The following PCNX1 variants were observed in gnomAD, a reference collection of about 807,000 sequenced individuals.
The protein encoded by PCNX1 is pecanex-like protein 1.
In PCNX1, 78 loss-of-function variants were observed where a neutral mutation model predicts 242.2. The ratio of observed to expected loss-of-function variants is 0.32; its 90% CI spans 0.27 to 0.39. The LOEUF is 0.39. Ranked by LOEUF, PCNX1 falls within the 10% of genes least tolerant of loss-of-function variation. PCNX1 has a pLI of 1.00. For missense variants in PCNX1, 2,581 were observed against 2,856.5 expected (o/e 0.90, Z 2.20); for synonymous variants, 1,024 against 1,032.9 (o/e 0.99, Z 0.17).
chr14:71,013,168 T>G lies in PCNX1; in HGVS notation c.2962T>G (p.Phe988Val). 6.2e-7 allele frequency: 1 copy of G among 1,614,086 alleles called. No individual in the cohort carries two copies. The highest frequency in any genetic ancestry group is 8.5e-7 in the Non-Finnish European group (1 of 1,179,930). ...ACCCCAGCTGTGGATTGGCATTAAC[T>G]TTGACAGACTCACACTTTTGGCCCT... is the stretch of plus-strand genomic sequence containing the variant. ...ILPQLWIGINFDRLTLLALFD... is the reference protein window; with the variant it reads ...ILPQLWIGINVDRLTLLALFD... Residue 988 changes from phenylalanine (F) to valine (V), a missense_variant, in exon 11 of 36, where the codon TTT (phenylalanine) becomes GTT (valine). This residue lies in a region of PCNX1 where 1,204 missense variants were observed against 1,216.7 expected (regional missense o/e 0.99). Coordinates refer to ENST00000304743, the MANE Select transcript of PCNX1 (RefSeq NM_014982.3).
chr14:71,014,078 C>A (rs1466339522), intron 11 of PCNX1, among the ~76,000 whole-genome samples: 2 of 152,152 alleles, frequency 1.3e-5, no homozygotes, highest in African/African-American at 4.8e-5. Flanking sequence ...CAGTTCCTGG[C>A]AATCACACAG....
chr14:71,053,611 C>A (rs1222190058), intron 24 of PCNX1, among the ~76,000 whole-genome samples: 1 of 152,084 alleles, frequency 6.6e-6, no homozygotes, highest in African/African-American at 2.4e-5. Flanking sequence ...AGCCACTGTG[C>A]CCGGCCTTAT....
At chr14:71,056,193 C>T (rs1035411565) in intron 25 of PCNX1, among the ~76,000 whole-genome samples, 1 of 152,148 alleles carries the variant, frequency 6.6e-6, no homozygotes, top group Non-Finnish European at 1.5e-5. Flanking sequence ...AAATATTACT[C>T]CCAAATACAC....
At chr14:71,101,285 A>G (rs2062454905) in intron 30 of PCNX1, among the ~76,000 whole-genome samples, 1 of 152,212 alleles carries the variant, frequency 6.6e-6, no homozygotes, top group Admixed American at 6.5e-5. Flanking sequence ...TTATTTCAGT[A>G]TATGTCCTGT....
chr14:70,933,307 G>T (rs1452331590), intron 1 of PCNX1, among the ~76,000 whole-genome samples: 3 of 152,180 alleles, frequency 2.0e-5, no homozygotes, highest in Non-Finnish European at 4.4e-5. Flanking sequence ...ATGACCTTTT[G>T]TTTGGGTTAT....
intron 22 of PCNX1, among the ~76,000 whole-genome samples, chr14:71,049,337 G>T (rs8022928): frequency 0.07 from 10,618 of 152,164 alleles, 485 homozygotes; most frequent in East Asian, 0.27. Context: ...TTGGTCAGTA[G>T]ATAGAATTTA....
At chr14:70,949,088 GTATA>G (rs549855706) in intron 2 of PCNX1, among the ~76,000 whole-genome samples, 161 of 145,360 alleles carry the variant, frequency 1.1e-3, no homozygotes, top group Non-Finnish European at 1.7e-3. Context: ...ATATACATGT[GTATA>G]TATACATACA....
At chr14:71,004,863 C>G (rs1175318191) in intron 8 of PCNX1, among the ~76,000 whole-genome samples, 1 of 152,182 alleles carries the variant, frequency 6.6e-6, no homozygotes, top group Non-Finnish European at 1.5e-5. Context: ...TTGAGTACTT[C>G]AGTCATATAG....
At chr14:71,078,844 A>G (rs557295818) in intron 28 of PCNX1, 2 of 151,990 alleles carry the variant, frequency 1.3e-5, no homozygotes, top group South Asian at 4.1e-4. Flanking sequence ...TAGTTTTCTC[A>G]TGTTTCTTTT....
chr14:70,982,819 A>G (rs1050996687), intron 6 of PCNX1, among the ~76,000 whole-genome samples: 27 of 152,246 alleles, frequency 1.8e-4, no homozygotes, highest in African/African-American at 6.0e-4. Flanking sequence ...CAACGGTTAC[A>G]TTTTCATACC....
At chr14:71,096,941 G>A (rs530199987) in intron 30 of PCNX1, among the ~76,000 whole-genome samples, 1 of 152,194 alleles carries the variant, frequency 6.6e-6, no homozygotes, top group African/African-American at 2.4e-5. Context: ...CAAAAGTTAT[G>A]CTGTATACTT....
chr14:71,031,600 A>G (rs1262510958), intron 16 of PCNX1: 16 of 557,004 alleles, frequency 2.9e-5, no homozygotes, highest in Middle Eastern at 3.4e-4. Flanking sequence ...ATCCTGCACA[A>G]TAGACTTAGG....
chr14:71,090,414 C>A (rs536707410), intron 30 of PCNX1, among the ~76,000 whole-genome samples: 5 of 152,170 alleles, frequency 3.3e-5, no homozygotes, highest in Non-Finnish European at 5.9e-5. Context: ...TAAAAGGTGA[C>A]TTACTCTTCA....
intron 1 of PCNX1, among the ~76,000 whole-genome samples, chr14:70,927,656 C>G (rs1053286932): frequency 2.6e-5 from 4 of 151,806 alleles, no homozygotes; most frequent in Non-Finnish European, 5.9e-5. Flanking sequence ...GTGGTGCGAT[C>G]TTGGCTCACT....
intron 2 of PCNX1, among the ~76,000 whole-genome samples, chr14:70,950,763 T>A (rs530148591): frequency 3.3e-5 from 5 of 152,196 alleles, no homozygotes; most frequent in African/African-American, 4.8e-5. Flanking sequence ...TTATTGCCAT[T>A]TATATTTGTT....
chr14:71,064,216 G>A (rs2061392673), intron 26 of PCNX1, among the ~76,000 whole-genome samples: 1 of 151,888 alleles, frequency 6.6e-6, no homozygotes, highest in Admixed American at 6.6e-5. Flanking sequence ...ATTGAAAACA[G>A]AATATCTCCT....
intron 13 of PCNX1, among the ~76,000 whole-genome samples, chr14:71,024,762 C>T (rs1183964696): frequency 6.6e-6 from 1 of 152,108 alleles, no homozygotes; most frequent in Non-Finnish European, 1.5e-5. Flanking sequence ...CTGTCCAATG[C>T]ATTGTAGGAT....
At chr14:71,061,033 T>G (rs572951209) in intron 26 of PCNX1, among the ~76,000 whole-genome samples, 1 of 152,316 alleles carries the variant, frequency 6.6e-6, no homozygotes, top group South Asian at 2.1e-4. Context: ...ATAAGCTGAT[T>G]GTGAGGAAAA....
intron 6 of PCNX1, among the ~76,000 whole-genome samples, chr14:70,979,948 T>G (rs2058789036): frequency 6.6e-6 from 1 of 151,594 alleles, no homozygotes; most frequent in Non-Finnish European, 1.5e-5. Flanking sequence ...GTCTTTGACC[T>G]GGATATAGTT....
Sources: allele counts gnomAD v4.1 joint callset (sites outside exome capture counted in the v4.1 genomes callset), GRCh38; gene constraint gnomAD v4.1.1; regional missense constraint gnomAD v4.1.1; transcripts MANE v1.5; gene names NCBI Gene and HGNC (gene_info 2026-07-23, HGNC 2026-07-21).